Variants in SGPL1 observed in about 807,000 individuals in gnomAD.
The protein encoded by SGPL1 is SP-lyase 1.
Under a neutral mutation model 68.9 loss-of-function variants are expected in SGPL1, and 37 were observed. That is an observed-to-expected ratio of 0.54 (90% CI 0.41 to 0.71). The LOEUF (loss-of-function observed/expected upper bound fraction) is 0.71. Ranked by LOEUF, SGPL1 falls within the 30% of genes least tolerant of loss-of-function variation. The pLI, the probability that SGPL1 is intolerant of heterozygous loss-of-function variation, is 0.00. For synonymous variants in SGPL1, 236 were observed against 248.5 expected (o/e 0.95, Z 0.47); for missense variants, 551 against 704.6 (o/e 0.78, Z 2.47).
intron 11 of SGPL1, 55 bp from the exon 12 acceptor site, chr10:70,873,296 G>T: frequency 7.9e-7 from 1 of 1,272,160 alleles, no homozygotes; most frequent in South Asian, 1.2e-5. Context: ...TCTGGGACAA[G>T]GTCTGCCAGA....
chr10:70,861,952 C>CA (rs1846067117), intron 7 of SGPL1, among the ~76,000 whole-genome samples: 1 of 152,242 alleles, frequency 6.6e-6, no homozygotes, highest in African/African-American at 2.4e-5. Flanking sequence ...TGTGTGGCCC[C>CA]AGCCTCCTTG....
intron 7 of SGPL1, among the ~76,000 whole-genome samples, chr10:70,861,398 C>A (rs1056551329): frequency 6.6e-6 from 1 of 152,152 alleles, no homozygotes; most frequent in African/African-American, 2.4e-5. Context: ...ATGGCTGGGG[C>A]AGTTGGGGGT....
chr10:70,822,924 C>T (rs1199168671), intron 2 of SGPL1, among the ~76,000 whole-genome samples: 1 of 150,532 alleles, frequency 6.6e-6, no homozygotes, highest in Admixed American at 6.7e-5. Context: ...TAAAGATAAT[C>T]TTCATCTCAA....
At chr10:70,868,253 C>A in intron 7 of SGPL1, 92 bp from the exon 8 acceptor site, 1 of 908,316 alleles carries the variant, frequency 1.1e-6, no homozygotes, top group Non-Finnish European at 1.7e-6. Context: ...AAGACCTTAT[C>A]TGTTTCTGTA....
In SGPL1 at chr10:70,835,038, C is replaced by A. The variant is rs148477911; in HGVS notation, c.28-9435C>A. Among the ~76,000 whole-genome samples, 1,085 of 152,336 alleles carry A rather than the reference C, an allele frequency of 7.1e-3. 6 individuals carry two copies. Among genetic ancestry groups the A allele is most frequent in the Non-Finnish European group, 0.012 (840 of 68,034 alleles). On this transcript the variant is annotated intron_variant, in intron 2 of 14. Coordinates refer to ENST00000373202, the MANE Select transcript of SGPL1 (RefSeq NM_003901.4). ...AACCAGCCATTCTCCTCTGCAGATT[C>A]AACCCACTGCCACTGTGTCTTGTTA...
At chr10:70,876,138 T>C (rs548425215) in intron 13 of SGPL1, among the ~76,000 whole-genome samples, 1 of 152,262 alleles carries the variant, frequency 6.6e-6, no homozygotes, top group African/African-American at 2.4e-5. Context: ...GAGGTAGAAT[T>C]TCTTCTGTGC....
chr10:70,851,227 T>TA lies in SGPL1; in HGVS notation c.261+18dup. On this transcript the variant is annotated intron_variant, in intron 4 of 14. Coordinates refer to ENST00000373202, the MANE Select transcript of SGPL1 (RefSeq NM_003901.4). ...GGTCGTAAGGTAAGTAGAATCTGTG[T>TA]ATGTCATTTTTTCCCCTCTTGATAA... The TA allele has an allele frequency of 6.3e-7, 1 of 1,591,104 alleles. No homozygotes were observed. The highest frequency in any genetic ancestry group is 1.3e-5 in the African/African-American group (1 of 74,582).
intron 2 of SGPL1, among the ~76,000 whole-genome samples, chr10:70,830,353 G>T (rs1347360740): frequency 6.6e-6 from 1 of 152,160 alleles, no homozygotes; most frequent in Non-Finnish European, 1.5e-5. Context: ...GCAACTACCA[G>T]TCTACTTTGT....
intron 2 of SGPL1, among the ~76,000 whole-genome samples, chr10:70,832,977 A>G (rs184461891): frequency 6.6e-5 from 10 of 152,346 alleles, no homozygotes; most frequent in African/African-American, 2.2e-4. Flanking sequence ...GTTACTTAAC[A>G]GAATCAGCAT....
chr10:70,826,483 TTGCCCTCCA>T (rs1845440444), intron 2 of SGPL1, among the ~76,000 whole-genome samples: 1 of 152,232 alleles, frequency 6.6e-6, no homozygotes, highest in Non-Finnish European at 1.5e-5. Flanking sequence ...AAAGAAGGGC[TTGCCCTCCA>T]TTTTAATTAA....
At chr10:70,824,029 C>T (rs1845388430) in intron 2 of SGPL1, among the ~76,000 whole-genome samples, 1 of 152,034 alleles carries the variant, frequency 6.6e-6, no homozygotes, top group African/African-American at 2.4e-5. Flanking sequence ...AAGTACATTC[C>T]TTTGTTAATA....
At chr10:70,847,171 G>A (rs1048466207) in intron 3 of SGPL1, among the ~76,000 whole-genome samples, 19 of 151,338 alleles carry the variant, frequency 1.3e-4, no homozygotes, top group South Asian at 4.2e-4. Flanking sequence ...TTTTTGAGAC[G>A]GAGTCTCACT....
At chr10:70,820,855 G>A (rs1278459994) in intron 2 of SGPL1, among the ~76,000 whole-genome samples, 1 of 152,170 alleles carries the variant, frequency 6.6e-6, no homozygotes, top group Non-Finnish European at 1.5e-5. Flanking sequence ...GTATCTGCAG[G>A]CATAGTGTTA....
Position 70,853,356 on chromosome 10 carries a change from G to A in SGPL1, c.262-1352G>A, listed in dbSNP as rs534033290. 1.1e-4 allele frequency among the ~76,000 whole-genome samples: 16 copies of A among 152,306 alleles called. 1 individual carries two copies. The South Asian group carries it at 3.1e-3, about 30-fold the overall frequency. On this transcript the variant is annotated intron_variant, in intron 4 of 14. Coordinates refer to ENST00000373202, the MANE Select transcript of SGPL1 (RefSeq NM_003901.4). Reference sequence around the variant, plus strand: ...ATGAGAAAATCTTAGTGTGGAGTGAGTTCTGGCGTTCTTTAACAAATATAT... The same window carrying A: ...ATGAGAAAATCTTAGTGTGGAGTGAATTCTGGCGTTCTTTAACAAATATAT...
At position 70,857,844 on chromosome 10, in the gene SGPL1, G is replaced by A. The variant is rs553043959; in HGVS notation, c.486+154G>A. 9.2e-5 allele frequency among the ~76,000 whole-genome samples: 14 copies of A among 152,254 alleles called. No homozygotes were observed. In the South Asian group the frequency reaches 1.9e-3, roughly 20 times the overall value. On this transcript the variant is annotated intron_variant, in intron 6 of 14. Coordinates refer to ENST00000373202, the MANE Select transcript of SGPL1 (RefSeq NM_003901.4). ...AGTTTCTCTTCACCCAAACATAGGC[G>A]AATATGTATAATATTATCAAAGACA...
chr10:70,873,277 G>T, intron 11 of SGPL1, 74 bp from the exon 12 acceptor site: 1 of 1,048,742 alleles, frequency 9.5e-7, no homozygotes, highest in South Asian at 1.3e-5. Flanking sequence ...TCCTTTGCAT[G>T]ATGAGAGTTC....
chr10:70,822,776 T>C (rs1845363000), intron 2 of SGPL1, among the ~76,000 whole-genome samples: 2 of 150,532 alleles, frequency 1.3e-5, no homozygotes, highest in African/African-American at 2.4e-5. Context: ...TAGCTAGCAA[T>C]AGGAGAGCCA....
intron 2 of SGPL1, among the ~76,000 whole-genome samples, chr10:70,839,463 C>G (rs1232041812): frequency 5.9e-5 from 9 of 151,930 alleles, no homozygotes; most frequent in African/African-American, 2.2e-4. Context: ...AGATAAGCAC[C>G]CCTGTCCCCC....
intron 2 of SGPL1, among the ~76,000 whole-genome samples, chr10:70,830,020 C>T (rs181515654): frequency 2.9e-4 from 44 of 152,160 alleles, no homozygotes; most frequent in Non-Finnish European, 5.1e-4. Context: ...ATTTGGAGTC[C>T]AGAGCTTTAC....
Sources: allele counts gnomAD v4.1 joint callset (sites outside exome capture counted in the v4.1 genomes callset), GRCh38; gene constraint gnomAD v4.1.1; transcripts MANE v1.5; gene names NCBI Gene and HGNC (gene_info 2026-07-23, HGNC 2026-07-21).